Variants in IKZF3 observed in about 807,000 individuals in gnomAD.
IKZF3 encodes the protein zinc finger protein Aiolos.
IKZF3 carries 10 observed loss-of-function variants against 49.0 expected under a neutral mutation model. The ratio of observed to expected loss-of-function variants is 0.20; its 90% CI spans 0.13 to 0.35. The LOEUF is 0.35. Ranked by LOEUF, IKZF3 falls within the 10% of genes least tolerant of loss-of-function variation. The pLI, the probability that IKZF3 is intolerant of heterozygous loss-of-function variation, is 1.00. For synonymous variants in IKZF3, 209 were observed against 228.2 expected, an observed-to-expected ratio of 0.92 and a Z score of 0.76; for missense variants, 498 against 664.8, an observed-to-expected ratio of 0.75 and a Z score of 2.76.
chr17:39,771,254 G>A (rs377390175), intron 7 of IKZF3, among the ~76,000 whole-genome samples: 1 of 152,224 alleles, frequency 6.6e-6, no homozygotes, highest in African/African-American at 2.4e-5. Context: ...GGCAGCAACT[G>A]CTTTTTCCAC....
chr17:39,824,007 A>G (rs1220460373), intron 3 of IKZF3, among the ~76,000 whole-genome samples: 2 of 152,180 alleles, frequency 1.3e-5, no homozygotes, highest in Admixed American at 1.3e-4. Context: ...AGAAGGGTAG[A>G]TCCATTGACA....
intron 3 of IKZF3, among the ~76,000 whole-genome samples, chr17:39,820,180 A>G (rs2061771423): frequency 2.0e-5 from 3 of 152,200 alleles, no homozygotes; most frequent in Non-Finnish European, 4.4e-5. Flanking sequence ...AAAACTCCAA[A>G]GTTATCTGTG....
chr17:39,833,784 T>C (rs1265470634), intron 1 of IKZF3, among the ~76,000 whole-genome samples: 1 of 152,144 alleles, frequency 6.6e-6, no homozygotes, highest in Non-Finnish European at 1.5e-5. Context: ...TATGGAAAAA[T>C]TGCAAAGATA....
intron 1 of IKZF3, among the ~76,000 whole-genome samples, chr17:39,848,846 A>C (rs770341546): frequency 4.6e-5 from 7 of 152,042 alleles, no homozygotes; most frequent in Non-Finnish European, 8.8e-5. Flanking sequence ...CACTCAGCTA[A>C]TTTTTAAAAA....
Position 39,791,601 on chromosome 17 carries a change from A to G in IKZF3, c.425-18T>C, listed in dbSNP as rs766324876. The G allele has an allele frequency of 1.4e-5, 23 of 1,613,266 alleles. No homozygotes were observed. Among genetic ancestry groups the G allele is most frequent in the Non-Finnish European group, 1.6e-5 (19 of 1,179,526 alleles). On this transcript the variant is annotated intron_variant, in intron 4 of 7. Transcript: ENST00000346872. ...GCGTTCACCTTTAAAAAGGACAAAA[A>G]AGGAGATTTCTGGTCACAGGCAAGT...
intron 1 of IKZF3, among the ~76,000 whole-genome samples, chr17:39,844,682 G>C (rs917817532): frequency 9.2e-5 from 14 of 151,858 alleles, no homozygotes; most frequent in African/African-American, 3.4e-4. Flanking sequence ...GAGTGCAATG[G>C]TGCGATCTCG....
At chr17:39,863,032 ATAAT>A (rs2063258120) in intron 1 of IKZF3, among the ~76,000 whole-genome samples, 1 of 152,200 alleles carries the variant, frequency 6.6e-6, no homozygotes, top group Non-Finnish European at 1.5e-5. Context: ...ATCATTTGTA[ATAAT>A]TAAAGCATAT....
intron 6 of IKZF3, among the ~76,000 whole-genome samples, chr17:39,780,654 A>C (rs1434868397): frequency 6.6e-6 from 1 of 151,536 alleles, no homozygotes; most frequent in Non-Finnish European, 1.5e-5. Flanking sequence ...CACTGCACTC[A>C]GCCAAAGCTC....
At chr17:39,812,944 A>G (rs2061594985) in intron 3 of IKZF3, among the ~76,000 whole-genome samples, 2 of 151,978 alleles carry the variant, frequency 1.3e-5, no homozygotes, top group African/African-American at 4.8e-5. Flanking sequence ...TAAAAATACA[A>G]AAATAAAATT....
intron 1 of IKZF3, among the ~76,000 whole-genome samples, chr17:39,842,050 AAAAAAAAAAC>A (rs1488401330): frequency 2.0e-5 from 3 of 148,698 alleles, no homozygotes; most frequent in Non-Finnish European, 3.0e-5. Flanking sequence ...AAAAAAAAAA[AAAAAAAAAAC>A]CAGATAAAAT....
Position 39,765,805 on chromosome 17 carries a change from T to C in IKZF3, c.1515A>G (p.Arg505=), listed in dbSNP as rs761741884. The change falls in exon 8 of 8, where the codon AGA becomes AGG. Residue 505 remains arginine, a synonymous_variant. Coordinates refer to ENST00000346872, the MANE Select transcript of IKZF3 (RefSeq NM_012481.5). The stretch of plus-strand genomic sequence containing the variant: ...GACCAGATATTCACTTCAGCAGGGC[T>C]CTGTGTTCTCCTCTGGCTATGTGAG... ...FSSHIARGEH[R]ALLK 2 of 1,604,162 alleles carry C rather than the reference T, an allele frequency of 1.2e-6. No homozygotes were observed. Among genetic ancestry groups the C allele is most frequent in the Non-Finnish European group, 1.7e-6 (2 of 1,172,268 alleles).
At chr17:39,794,321 G>A (rs978080639) in intron 3 of IKZF3, among the ~76,000 whole-genome samples, 7 of 152,142 alleles carry the variant, frequency 4.6e-5, no homozygotes, top group African/African-American at 1.7e-4. Flanking sequence ...CATCAATGGT[G>A]TAAATGTTAA....
At chr17:39,834,994 A>G (rs996669653) in intron 1 of IKZF3, 1 of 408,960 alleles carries the variant, frequency 2.4e-6, no homozygotes, top group Non-Finnish European at 4.8e-6. Context: ...GGACTGGGAC[A>G]CCAGCTTCCC....
chr17:39,835,098 AAGCCAT>A (rs1159161198), intron 1 of IKZF3: 1 of 443,180 alleles, frequency 2.3e-6, no homozygotes, highest in African/African-American at 2.0e-5. Flanking sequence ...GCTGGATCCC[AAGCCAT>A]AGCTGAGGCC....
intron 1 of IKZF3, among the ~76,000 whole-genome samples, chr17:39,832,906 A>C (rs1381977752): frequency 6.6e-6 from 1 of 152,136 alleles, no homozygotes; most frequent in Non-Finnish European, 1.5e-5. Flanking sequence ...AATGATAAAT[A>C]CTCAAGGTGA....
In IKZF3 at chr17:39,763,667, G is replaced by A. The variant is rs143460560; in HGVS notation, c.*2123C>T. 2.0e-5 allele frequency: 3 copies of A among 152,244 alleles called. No homozygotes were observed. Among genetic ancestry groups the A allele is most frequent in the African/African-American group, 4.8e-5 (2 of 41,530 alleles). The allele number at this position is 152,244 out of a possible 1,614,324, so 9.4% of individuals were successfully genotyped here. A position where few individuals can be genotyped will look rare whatever the true frequency, so the allele number is the denominator to read the frequency against. ...CACACCATTTTCATACCAAAGGAAT[G>A]TGAAACATGTATTCATATAAATACT... On this transcript the variant is annotated 3_prime_UTR_variant, in exon 8 of 8. Transcript: ENST00000346872.
rs747507027 is a variant in IKZF3 at position 39,788,388 on chromosome 17, A to G, written c.593-14T>C. On this transcript the variant is annotated splice_polypyrimidine_tract_variant and intron_variant, in intron 5 of 7. Transcript: ENST00000346872. ...AGGGTTTCTCCACTAGAAGGAGAAC[A>G]TAAGGGGCACTCAGTGACCCTCAGG... 6.4e-7 allele frequency: 1 copy of G among 1,563,422 alleles called. No homozygotes were observed. The highest frequency in any genetic ancestry group is 2.2e-5 in the East Asian group (1 of 44,618).
chr17:39,826,630 G>T (rs2060941), intron 3 of IKZF3, among the ~76,000 whole-genome samples: 15,982 of 152,240 alleles, frequency 0.1, 1,091 homozygotes, highest in South Asian at 0.15. Flanking sequence ...GGGAATTTGA[G>T]GGGTGCATTA....
At chr17:39,769,427 A>G (rs1177443661) in intron 7 of IKZF3, among the ~76,000 whole-genome samples, 2 of 152,202 alleles carry the variant, frequency 1.3e-5, no homozygotes, top group Non-Finnish European at 2.9e-5. Flanking sequence ...CTGAGAGAGA[A>G]AAAAAATATG....
Sources: gnomAD v4.1 joint callset for allele counts (sites outside exome capture counted in the v4.1 genomes callset) on GRCh38, gnomAD v4.1.1 for gene constraint, MANE v1.5 for transcripts, NCBI Gene and HGNC (gene_info 2026-07-23, HGNC 2026-07-21) for gene names.